UBAP2: variants seen among roughly 807,000 people sequenced by gnomAD.
UBAP2 encodes ubiquitin-associated protein 2.
Under a neutral mutation model 139.6 loss-of-function variants are expected in UBAP2, and 75 were observed. That is an observed-to-expected ratio of 0.54 (90% CI 0.45 to 0.65). The LOEUF is 0.65. Ranked by LOEUF, UBAP2 falls within the 30% of genes least tolerant of loss-of-function variation. The probability of loss-of-function intolerance (pLI) is 0.00; values close to 1 mark genes in which losing one functional copy is unlikely to be tolerated. For missense variants in UBAP2, 1,368 were observed against 1,369.6 expected (o/e 1.00, Z 0.02); for synonymous variants, 526 against 526.2 (o/e 1.00, Z 0.01).
At chr9:34,039,070 G>GCC (rs1826769917) in intron 1 of UBAP2, among the ~76,000 whole-genome samples, 1 of 151,162 alleles carries the variant, frequency 6.6e-6, no homozygotes, top group Admixed American at 6.6e-5. Context: ...GAAGTGAGGA[G>GCC]CCCCTCCGCC....
chr9:33,996,151 A>C, intron 4 of UBAP2, 72 bp downstream of exon 4: 1 of 1,174,998 alleles, frequency 8.5e-7, no homozygotes, highest in Non-Finnish European at 1.3e-6. Context: ...ACCCCCAAAC[A>C]AGGTGAAGTT....
upstream of UBAP2, chr9:34,048,908 G>C (rs978561928): frequency 6.6e-6 from 1 of 152,188 alleles, no homozygotes; most frequent in Non-Finnish European, 1.5e-5. Context: ...AAGCGGCGGC[G>C]GCGGCACAGG....
chr9:33,922,443 GCTCGTGTGTTCT>G lies in UBAP2; in HGVS notation c.*49_*60del, dbSNP rs1268613515. Reference sequence around the variant, plus strand: ...AAGGGCACTGGGCTCCCAAATACGTGCTCGTGTGTTCTCTCCTGCCCAGGATAAGCCTTGCCC... The same window carrying G: ...AAGGGCACTGGGCTCCCAAATACGTGCTCCTGCCCAGGATAAGCCTTGCCC... On this transcript the variant is annotated 3_prime_UTR_variant, in exon 29 of 29. Coordinates refer to ENST00000379238, the MANE Select transcript of UBAP2 (RefSeq NM_001370062.2). 2 of 1,524,724 alleles carry G rather than the reference GCTCGTGTGTTCT, an allele frequency of 1.3e-6. No individual in the cohort carries two copies. The highest frequency in any genetic ancestry group is 2.4e-5 in the South Asian group (2 of 85,030). 94.4% of individuals were successfully genotyped at this position (1,524,724 alleles called of 1,614,324 possible).
In UBAP2 at chr9:34,012,289, G is replaced by A. The variant is rs1332149186; in HGVS notation, c.99+4761C>T. Among the ~76,000 whole-genome samples, 7 of 152,292 alleles carry A rather than the reference G, an allele frequency of 4.6e-5. No homozygotes were observed. The South Asian group carries it at 1.2e-3, about 27-fold the overall frequency. The stretch of plus-strand genomic sequence containing the variant: ...CTCATGCTTGTAATCCCAGCACTTT[G>A]GGAGGTCAAGGCAGGCGGATCACCT... On this transcript the variant is annotated intron_variant, in intron 2 of 28. Transcript: ENST00000379238.
intron 19 of UBAP2, among the ~76,000 whole-genome samples, chr9:33,930,408 G>A (rs1419827087): frequency 1.3e-5 from 2 of 152,004 alleles, no homozygotes; most frequent in Non-Finnish European, 2.9e-5. Context: ...CTAAATGGAC[G>A]GCTGCTTAAA....
chr9:33,957,932 A>C (rs936814432), intron 10 of UBAP2, among the ~76,000 whole-genome samples: 1 of 152,114 alleles, frequency 6.6e-6, no homozygotes, highest in Non-Finnish European at 1.5e-5. Context: ...ATCCTATTCC[A>C]AAACAGGGTG....
chr9:33,991,491 C>T (rs1821710311), intron 4 of UBAP2, among the ~76,000 whole-genome samples: 1 of 151,946 alleles, frequency 6.6e-6, no homozygotes, highest in East Asian at 1.9e-4. Context: ...AGAAAGAGGT[C>T]CTTGATAGAA....
At chr9:34,042,835 T>G (rs933111285) in intron 1 of UBAP2, among the ~76,000 whole-genome samples, 3 of 151,314 alleles carry the variant, frequency 2.0e-5, no homozygotes, top group Non-Finnish European at 4.4e-5. Context: ...CTCAGCACTT[T>G]AGTAGGCCAA....
intron 6 of UBAP2, among the ~76,000 whole-genome samples, chr9:33,980,388 A>G (rs1348146562): frequency 6.8e-6 from 1 of 146,714 alleles, no homozygotes; most frequent in African/African-American, 2.5e-5. Flanking sequence ...GCCCGCCACC[A>G]CACCAGCTAA....
chr9:33,926,216 T>C (rs756823606), intron 22 of UBAP2, among the ~76,000 whole-genome samples: 39 of 152,196 alleles, frequency 2.6e-4, no homozygotes, highest in Non-Finnish European at 5.3e-4. Context: ...AAAGACACTA[T>C]ATGGTACTCT....
intron 6 of UBAP2, among the ~76,000 whole-genome samples, chr9:33,984,058 C>G (rs941611224): frequency 6.6e-6 from 1 of 152,076 alleles, no homozygotes; most frequent in African/African-American, 2.4e-5. Context: ...CACACACCAC[C>G]ATGCCCAGCT....
intron 6 of UBAP2, among the ~76,000 whole-genome samples, chr9:33,973,620 G>A (rs771217476): frequency 6.6e-6 from 1 of 152,224 alleles, no homozygotes; most frequent in Non-Finnish European, 1.5e-5. Flanking sequence ...TGAAGGCACT[G>A]TTAAGTATCA....
chr9:34,000,613 A>G (rs1822619967), intron 2 of UBAP2, among the ~76,000 whole-genome samples: 1 of 152,248 alleles, frequency 6.6e-6, no homozygotes, highest in Non-Finnish European at 1.5e-5. Context: ...CAAATATTTA[A>G]AAAGCTTAAC....
intron 8 of UBAP2, among the ~76,000 whole-genome samples, chr9:33,965,549 T>A (rs1827380696): frequency 5.9e-5 from 9 of 152,218 alleles, no homozygotes; most frequent in Admixed American, 5.9e-4. Context: ...TGCCACTATA[T>A]CTTCTTTGTA....
chr9:33,970,191 C>A (rs1827811027), intron 8 of UBAP2, among the ~76,000 whole-genome samples: 1 of 151,674 alleles, frequency 6.6e-6, no homozygotes, highest in South Asian at 2.1e-4. Context: ...TTATAATCTC[C>A]TAATATCTAT....
At position 33,927,915 on chromosome 9, in the gene UBAP2, G is replaced by T. The variant is rs376121196; in HGVS notation, c.2253C>A (p.Ser751=). Residue 751 remains serine (S), a synonymous_variant, in exon 20 of 29, where the codon TCC becomes TCA. Transcript: ENST00000379238. ...TGGACAGGCTGGCGCCTGAGGATGCGGAACTTGAGACGGAGGTCGCTGCCG... is the reference window on the plus strand; with the variant it reads ...TGGACAGGCTGGCGCCTGAGGATGCTGAACTTGAGACGGAGGTCGCTGCCG... ...FSTAATSVSS[S]ASSGASLSSS... The T allele has an allele frequency of 6.8e-6, 11 of 1,614,208 alleles. No individual in the cohort carries two copies. Among genetic ancestry groups the T allele is most frequent in the Non-Finnish European group, 9.3e-6 (11 of 1,180,022 alleles).
intron 2 of UBAP2, among the ~76,000 whole-genome samples, chr9:34,014,883 G>C (rs1459338762): frequency 6.6e-6 from 1 of 151,968 alleles, no homozygotes; most frequent in African/African-American, 2.4e-5. Flanking sequence ...CACTGGACTA[G>C]ATCAGTTTGT....
intron 6 of UBAP2, among the ~76,000 whole-genome samples, chr9:33,981,184 G>GAT (rs372365876): frequency 0.1 from 174 of 1,720 alleles, 59 homozygotes; most frequent in Admixed American, 0.22. Flanking sequence ...ATATATTCTG[G>GAT]ATATATATAT....
chr9:34,040,014 G>A (rs1826914649), intron 1 of UBAP2, among the ~76,000 whole-genome samples: 1 of 151,890 alleles, frequency 6.6e-6, no homozygotes, highest in South Asian at 2.1e-4. Flanking sequence ...AAAATTAGCC[G>A]GGGGCATGGT....
Sources: allele counts gnomAD v4.1 joint callset (sites outside exome capture counted in the v4.1 genomes callset), GRCh38; gene constraint gnomAD v4.1.1; transcripts MANE v1.5; gene names NCBI Gene and HGNC (gene_info 2026-07-23, HGNC 2026-07-21).